MAPRE2: variants seen among roughly 807,000 people sequenced by gnomAD.
The protein encoded by MAPRE2 is microtubule-associated protein RP/EB family member 2.
A neutral mutation model predicts 43.2 loss-of-function variants in MAPRE2; 13 were observed. The ratio of observed to expected loss-of-function variants is 0.30; its 90% CI spans 0.20 to 0.48. The LOEUF (loss-of-function observed/expected upper bound fraction) is 0.48, where lower values mean the gene tolerates loss of function less well. Ranked by LOEUF, MAPRE2 falls within the 20% of genes least tolerant of loss-of-function variation. The probability of loss-of-function intolerance (pLI) is 0.99; values close to 1 mark genes in which losing one functional copy is unlikely to be tolerated. For synonymous variants in MAPRE2, 135 were observed against 148.8 expected, an observed-to-expected ratio of 0.91 and a Z score of 0.68; for missense variants, 161 against 400.2, an observed-to-expected ratio of 0.40 and a Z score of 5.10.
At chr18:35,123,425 G>A (rs559820983) in intron 4 of MAPRE2, among the ~76,000 whole-genome samples, 1 of 152,162 alleles carries the variant, frequency 6.6e-6, no homozygotes, top group African/African-American at 2.4e-5. Context: ...GCCAGGGTGG[G>A]TGGGTCGTCA....
At chr18:35,003,418 C>T (rs1035344798) in intron 1 of MAPRE2, among the ~76,000 whole-genome samples, 1 of 152,238 alleles carries the variant, frequency 6.6e-6, no homozygotes, top group African/African-American at 2.4e-5. Context: ...TGCCCCACTA[C>T]TCTGAGCCTC....
intron 2 of MAPRE2, 146 bp downstream of exon 2, chr18:35,070,468 A>ATC: frequency 1.6e-6 from 1 of 617,326 alleles, no homozygotes; most frequent in East Asian, 3.3e-5. Context: ...AAACTCAGAT[A>ATC]TAACTAAAGG....
intron 1 of MAPRE2, among the ~76,000 whole-genome samples, chr18:35,069,246 T>C (rs1906987516): frequency 6.6e-6 from 1 of 152,198 alleles, no homozygotes; most frequent in African/African-American, 2.4e-5. Flanking sequence ...TTAAAGAATG[T>C]ATCAAAGAAT....
At chr18:35,036,637 C>T (rs2097050722), upstream of MAPRE2, among the ~76,000 whole-genome samples, 1 of 152,156 alleles carries the variant, frequency 6.6e-6, no homozygotes, top group South Asian at 2.1e-4. Context: ...CTCTACACTG[C>T]CATTCCTCTT....
At chr18:35,039,944 G>A (rs1313710746), upstream of MAPRE2, among the ~76,000 whole-genome samples, 2 of 152,186 alleles carry the variant, frequency 1.3e-5, no homozygotes. Flanking sequence ...GGGCGTGGTG[G>A]CTCATGCCTG....
intron 2 of MAPRE2, among the ~76,000 whole-genome samples, chr18:35,008,514 T>C (rs1403198182): frequency 1.3e-5 from 2 of 152,204 alleles, no homozygotes; most frequent in African/African-American, 2.4e-5. Flanking sequence ...GAACTTTGTA[T>C]TTTACCTACT....
intron 2 of MAPRE2, among the ~76,000 whole-genome samples, chr18:35,031,999 A>G (rs1225349887): frequency 3.3e-5 from 5 of 152,206 alleles, no homozygotes; most frequent in Non-Finnish European, 7.3e-5. Context: ...GTGAGGAAGA[A>G]CCAATCTCAA....
At chr18:35,092,270 A>G (rs901375685) in intron 2 of MAPRE2, among the ~76,000 whole-genome samples, 17 of 152,214 alleles carry the variant, frequency 1.1e-4, no homozygotes, top group Non-Finnish European at 2.1e-4. Flanking sequence ...GAAAATAGAT[A>G]CATAGAACAA....
At position 35,011,825 on chromosome 18, in the gene MAPRE2, A is replaced by G. The variant is rs143585537; in HGVS notation, c.-8+6272A>G. Among the ~76,000 whole-genome samples, 379 of 152,346 alleles carry G rather than the reference A, an allele frequency of 2.5e-3. 4 individuals are homozygous for G. Among genetic ancestry groups the G allele is most frequent in the Admixed American group, 0.017 (266 of 15,298 alleles). ...ACGTCAAGGAGTTATTCATTCATCT[A>G]GCGAACACACAGTGAGTGCTTGCTA... On this transcript the variant is annotated intron_variant, in intron 2 of 7. Coordinates refer to the MAPRE2 transcript ENST00000413393.
intron 1 of MAPRE2, among the ~76,000 whole-genome samples, chr18:35,046,862 G>T (rs1197028150): frequency 6.6e-6 from 1 of 152,202 alleles, no homozygotes; most frequent in East Asian, 1.9e-4. Context: ...AGCCCAGACA[G>T]TGGCTTTTAT....
At chr18:35,126,522 A>G (rs1466019042) in intron 4 of MAPRE2, among the ~76,000 whole-genome samples, 1 of 152,250 alleles carries the variant, frequency 6.6e-6, no homozygotes, top group Non-Finnish European at 1.5e-5. Flanking sequence ...AGAAAAAAAT[A>G]CATTTGGATT....
intron 1 of MAPRE2, among the ~76,000 whole-genome samples, chr18:34,977,534 G>C (rs1461425000): frequency 6.6e-6 from 1 of 152,184 alleles, no homozygotes; most frequent in Non-Finnish European, 1.5e-5. Context: ...AGAGCTGGGG[G>C]CTCTGGCAGG....
chr18:35,043,650 AT>A (rs1429247301), intron 1 of MAPRE2, among the ~76,000 whole-genome samples: 1 of 152,224 alleles, frequency 6.6e-6, no homozygotes, highest in Non-Finnish European at 1.5e-5. Context: ...TACTGAACAA[AT>A]TCTTAAGTCC....
At chr18:35,073,610 A>G (rs536865773) in intron 2 of MAPRE2, among the ~76,000 whole-genome samples, 14 of 152,254 alleles carry the variant, frequency 9.2e-5, no homozygotes, top group Middle Eastern at 3.4e-3. Context: ...TTACGCTCCA[A>G]TCCTGGTGGT....
rs1416410887 is a variant in MAPRE2 at position 34,982,548 on chromosome 18, A to G, written c.-70+5469A>G. 3.9e-5 allele frequency among the ~76,000 whole-genome samples: 6 copies of G among 152,234 alleles called. No individual in the cohort carries two copies. In the East Asian group the frequency reaches 1.2e-3, roughly 29 times the overall value. On this transcript the variant is annotated intron_variant, in intron 1 of 7. Transcript: ENST00000413393. ...GAATTTATACTCTTTAATCTGAGAT[A>G]AGAAAAAGTCTGGCTTTGGTATTTC...
chr18:35,018,705 ATCT>A lies in MAPRE2; in HGVS notation c.-8+13157_-8+13159del, dbSNP rs1415586436. ...GTCACTTCCAATTGTACTTATTTTG[ATCT>A]TCTTTTTTTCTGTGTTAATATAGCT... is the stretch of plus-strand genomic sequence containing the variant. On this transcript the variant is annotated intron_variant, in intron 2 of 7. Coordinates refer to the MAPRE2 transcript ENST00000413393. 2.7e-5 allele frequency among the ~76,000 whole-genome samples: 4 copies of A among 149,974 alleles called. 1 individual carries two copies. The East Asian group carries it at 5.9e-4, about 22-fold the overall frequency.
rs77553913 is a variant in MAPRE2 at position 35,093,537 on chromosome 18, T to C, written c.251-3909T>C. Reference sequence around the variant, plus strand: ...CCTTAGTGTCCATCAGTGTGATTAATAGATGTTTAAAAAGTGGTATAAATA... The same window carrying C: ...CCTTAGTGTCCATCAGTGTGATTAACAGATGTTTAAAAAGTGGTATAAATA... On this transcript the variant is annotated intron_variant, in intron 2 of 6. Coordinates refer to ENST00000300249, the MANE Select transcript of MAPRE2 (RefSeq NM_014268.4). 3.7e-4 allele frequency among the ~76,000 whole-genome samples: 56 copies of C among 152,316 alleles called. 1 individual carries two copies. The East Asian group carries it at 0.01, about 27-fold the overall frequency.
chr18:35,060,137 C>T (rs1906444466), intron 1 of MAPRE2, among the ~76,000 whole-genome samples: 1 of 152,168 alleles, frequency 6.6e-6, no homozygotes, highest in Non-Finnish European at 1.5e-5. Context: ...TGACCCAGGG[C>T]CCTGCTCGTT....
Position 35,127,012 on chromosome 18 carries a change from A to G in MAPRE2, c.675A>G (p.Lys225=). The change falls in exon 5 of 7, where the codon AAA becomes AAG. Residue 225 remains lysine (K), a synonymous_variant. Coordinates refer to ENST00000300249, the MANE Select transcript of MAPRE2 (RefSeq NM_014268.4). Reference sequence around the variant, plus strand: ...CACCTTCTCGACCCTCATCAGCCAAAAGGGCTTCTTCCAGTGGCTCAGCAT... The same window carrying G: ...CACCTTCTCGACCCTCATCAGCCAAGAGGGCTTCTTCCAGTGGCTCAGCAT... The part of the protein sequence containing the change: ...GSTPSRPSSA[K]RASSSGSASK... The G allele has an allele frequency of 4.3e-6, 7 of 1,614,166 alleles. No individual in the cohort carries two copies. The highest frequency in any genetic ancestry group is 5.9e-6 in the Non-Finnish European group (7 of 1,180,010).
Sources: allele counts gnomAD v4.1 joint callset (sites outside exome capture counted in the v4.1 genomes callset), GRCh38; gene constraint gnomAD v4.1.1; transcripts MANE v1.5; gene names NCBI Gene and HGNC (gene_info 2026-07-23, HGNC 2026-07-21).